The following PRKG1 variants were observed in gnomAD, a reference collection of about 807,000 sequenced individuals.
PRKG1 encodes protein kinase cGMP-dependent 1.
A neutral mutation model predicts 88.1 loss-of-function variants in PRKG1; 35 were observed. The observed-to-expected ratio is 0.40, with a 90% CI of 0.30 to 0.53. The LOEUF (loss-of-function observed/expected upper bound fraction) is 0.53. Ranked by LOEUF, PRKG1 falls within the 20% of genes least tolerant of loss-of-function variation. The pLI is 0.59. For missense variants in PRKG1, 540 were observed against 839.8 expected (o/e 0.64, Z 4.41); for synonymous variants, 303 against 292.5 (o/e 1.04, Z -0.37).
chr10:52,264,219 T>C (rs1841510402), intron 10 of PRKG1, among the ~76,000 whole-genome samples: 1 of 152,096 alleles, frequency 6.6e-6, no homozygotes, highest in Non-Finnish European at 1.5e-5. Flanking sequence ...AGGTGGAACA[T>C]AGTGCTTATG....
At chr10:52,057,112 A>C (rs946299337) in intron 6 of PRKG1, among the ~76,000 whole-genome samples, 1 of 152,204 alleles carries the variant, frequency 6.6e-6, no homozygotes, top group African/African-American at 2.4e-5. Context: ...TGCTACCACC[A>C]AACTGGCTTT....
chr10:52,106,747 T>TAATAATAAA (rs1165889491), intron 7 of PRKG1, among the ~76,000 whole-genome samples: 1 of 143,418 alleles, frequency 7.0e-6, no homozygotes, highest in African/African-American at 2.6e-5. Flanking sequence ...ATAATAATAA[T>TAATAATAAA]AAAGTAAATA....
intron 2 of PRKG1, among the ~76,000 whole-genome samples, chr10:51,314,291 C>G (rs1841265577): frequency 6.6e-6 from 1 of 152,116 alleles, no homozygotes; most frequent in African/African-American, 2.4e-5. Context: ...CAGAGTCCCT[C>G]TGTAATATGA....
chr10:51,699,145 G>A, intron 3 of PRKG1: 4 of 1,614,172 alleles, frequency 2.5e-6, no homozygotes, highest in Middle Eastern at 1.6e-4. Context: ...GCTCCGGGGG[G>A]AGACTGGCTA....
intron 5 of PRKG1, among the ~76,000 whole-genome samples, chr10:51,918,901 G>A (rs961366055): frequency 2.0e-5 from 3 of 151,972 alleles, no homozygotes; most frequent in African/African-American, 7.2e-5. Flanking sequence ...CCTAGCTCAC[G>A]GGCTTGTACA....
intron 2 of PRKG1, among the ~76,000 whole-genome samples, chr10:51,195,373 T>G (rs1349460598): frequency 6.6e-6 from 1 of 152,210 alleles, no homozygotes; most frequent in Non-Finnish European, 1.5e-5. Context: ...GTTTTCAATT[T>G]TTTAATTCTT....
intron 2 of PRKG1, among the ~76,000 whole-genome samples, chr10:51,153,575 A>T (rs1260278231): frequency 6.6e-6 from 1 of 152,012 alleles, no homozygotes; most frequent in Non-Finnish European, 1.5e-5. Flanking sequence ...AAAAATGTGA[A>T]AAAAGAAATA....
intron 2 of PRKG1, among the ~76,000 whole-genome samples, chr10:51,338,548 A>G (rs560325920): frequency 6.6e-6 from 1 of 152,184 alleles, no homozygotes; most frequent in Non-Finnish European, 1.5e-5. Context: ...AAATACATGG[A>G]CCAGGGGCCA....
chr10:52,264,212 T>A (rs986571729), intron 10 of PRKG1, among the ~76,000 whole-genome samples: 2 of 151,938 alleles, frequency 1.3e-5, no homozygotes, highest in African/African-American at 4.8e-5. Flanking sequence ...ATGATGGAGG[T>A]GGAACATAGT....
At position 51,225,829 on chromosome 10, in the gene PRKG1, G is replaced by A. The variant is rs181515172; in HGVS notation, c.478+72499G>A. 6.0e-4 allele frequency among the ~76,000 whole-genome samples: 92 copies of A among 152,198 alleles called. 1 individual carries two copies. Among genetic ancestry groups the A allele is most frequent in the East Asian group, 6.0e-3 (31 of 5,178 alleles). On this transcript the variant is annotated intron_variant, in intron 2 of 17. Transcript: ENST00000373980. ...CACAGAATATAGAATAGTTGCTAGA[G>A]CACAGAAACTAGTACTCTTTTAACT...
At chr10:51,397,930 G>C (rs570922661) in intron 2 of PRKG1, among the ~76,000 whole-genome samples, 2 of 152,160 alleles carry the variant, frequency 1.3e-5, no homozygotes, top group Non-Finnish European at 2.9e-5. Context: ...ATTTGCAAGT[G>C]AGCATGTGGC....
chr10:52,084,407 A>G (rs981175137), intron 7 of PRKG1, among the ~76,000 whole-genome samples: 2 of 152,018 alleles, frequency 1.3e-5, no homozygotes, highest in African/African-American at 4.8e-5. Context: ...TTGCCTTGAG[A>G]TATATTGCCA....
At chr10:52,268,367 C>G (rs1174456704) in intron 10 of PRKG1, among the ~76,000 whole-genome samples, 1 of 152,032 alleles carries the variant, frequency 6.6e-6, no homozygotes, top group Non-Finnish European at 1.5e-5. Context: ...ATCTGCCACC[C>G]ACCAGTTCTC....
chr10:51,061,227 G>T (rs1341776155), intron 1 of PRKG1, among the ~76,000 whole-genome samples: 1 of 152,070 alleles, frequency 6.6e-6, no homozygotes, highest in Non-Finnish European at 1.5e-5. Context: ...AAGAGCAAAG[G>T]GACCTCTTAC....
intron 1 of PRKG1, among the ~76,000 whole-genome samples, chr10:51,078,709 C>T (rs969271166): frequency 1.3e-5 from 2 of 151,646 alleles, no homozygotes; most frequent in Admixed American, 6.6e-5. Flanking sequence ...CTCTGCCTCC[C>T]GGGTTCACAC....
chr10:51,538,264 A>G (rs1396116063), intron 3 of PRKG1, among the ~76,000 whole-genome samples: 1 of 151,946 alleles, frequency 6.6e-6, no homozygotes, highest in East Asian at 1.9e-4. Context: ...TCAGTACAAA[A>G]GATACTCCTC....
chr10:51,455,871 G>T (rs1396068125), intron 2 of PRKG1, among the ~76,000 whole-genome samples: 3 of 152,122 alleles, frequency 2.0e-5, no homozygotes, highest in Non-Finnish European at 4.4e-5. Context: ...CTTCTTCTGA[G>T]CCCTGAAAGC....
intron 4 of PRKG1, among the ~76,000 whole-genome samples, chr10:51,841,276 A>C (rs1840268937): frequency 6.6e-6 from 1 of 152,182 alleles, no homozygotes; most frequent in South Asian, 2.1e-4. Context: ...TGTGCTGGGC[A>C]CTGAACCAGG....
At chr10:51,916,059 G>C (rs563576515) in intron 5 of PRKG1, among the ~76,000 whole-genome samples, 1 of 152,270 alleles carries the variant, frequency 6.6e-6, no homozygotes, top group Admixed American at 6.5e-5. Flanking sequence ...TCCTCAAAAT[G>C]TTAAACATGG....
Sources: gnomAD v4.1 joint callset for allele counts (sites outside exome capture counted in the v4.1 genomes callset) on GRCh38, gnomAD v4.1.1 for gene constraint, MANE v1.5 for transcripts, NCBI Gene and HGNC (gene_info 2026-07-23, HGNC 2026-07-21) for gene names.